The following HDLBP variants were observed in gnomAD, a reference collection of about 807,000 sequenced individuals.
HDLBP encodes vigilin.
HDLBP carries 30 observed loss-of-function variants against 137.3 expected under a neutral mutation model. The observed-to-expected ratio is 0.22, with a 90% confidence interval of 0.16 to 0.30. HDLBP has a LOEUF of 0.30. HDLBP is among the 10% of genes least tolerant of loss of function. The pLI is 1.00. For missense variants in HDLBP, 1,119 were observed against 1,667.3 expected, an observed-to-expected ratio of 0.67 and a Z score of 5.73; for synonymous variants, 606 against 596.0, an observed-to-expected ratio of 1.02 and a Z score of -0.24.
Position 241,240,581 on chromosome 2 carries a change from C to T in HDLBP, c.2170-459G>A, listed in dbSNP as rs1455993815. Among the ~76,000 whole-genome samples the T allele has an allele frequency of 2.0e-5, 3 of 152,204 alleles. No individual in the cohort carries two copies. The highest frequency in any genetic ancestry group is 7.2e-5 in the African/African-American group (3 of 41,448). On this transcript the variant is annotated intron_variant, in intron 17 of 27. Transcript: ENST00000310931. The surrounding 1 kb of genome is among the most constrained non-coding windows in gnomAD (Gnocchi z 5.5). ...TCTACCTGCTTCCAGACCAAGCACA[C>T]ACAAATCTGGGCCAGGCTCCCTTTC...
At chr2:241,309,606 G>A (rs977873753) in intron 1 of HDLBP, among the ~76,000 whole-genome samples, 1 of 152,152 alleles carries the variant, frequency 6.6e-6, no homozygotes, top group South Asian at 2.1e-4. Flanking sequence ...TGGCTGATAG[G>A]TTTAAAAGGC....
intron 16 of HDLBP, chr2:241,243,655 G>A (rs903461070): frequency 6.6e-6 from 1 of 152,594 alleles, no homozygotes. Flanking sequence ...GTCGGAGCCT[G>A]GTCCAGAACC....
At chr2:241,307,976 T>C (rs944933706) in intron 1 of HDLBP, among the ~76,000 whole-genome samples, 2 of 152,160 alleles carry the variant, frequency 1.3e-5, no homozygotes, top group Non-Finnish European at 2.9e-5. Flanking sequence ...AATGGAATTA[T>C]ATGATGACAG....
chr2:241,242,854 G>A (rs1381154509), intron 16 of HDLBP, 176 bp from the exon 17 acceptor site: 8 of 628,662 alleles, frequency 1.3e-5, no homozygotes, highest in Admixed American at 4.9e-5. Flanking sequence ...CACGGGGGAG[G>A]AGAGTGCACG....
At chr2:241,304,942 T>C (rs774876864) in intron 1 of HDLBP, among the ~76,000 whole-genome samples, 38 of 152,352 alleles carry the variant, frequency 2.5e-4, no homozygotes, top group Non-Finnish European at 5.3e-4. Flanking sequence ...CTATAAAAAG[T>C]TGATATTAAT....
At chr2:241,262,483 G>C (rs988076115) in intron 5 of HDLBP, among the ~76,000 whole-genome samples, 1 of 152,118 alleles carries the variant, frequency 6.6e-6, no homozygotes, top group Non-Finnish European at 1.5e-5. Flanking sequence ...TTACTTTCAA[G>C]TTCATTCACT....
chr2:241,230,030 C>T lies in HDLBP; in HGVS notation c.3592-69G>A, dbSNP rs1420731486. 1 of 1,579,250 alleles carries T rather than the reference C, an allele frequency of 6.3e-7. No homozygotes were observed. The highest frequency in any genetic ancestry group is 8.6e-7 in the Non-Finnish European group (1 of 1,160,028). ...CCCCAGCATCCCGCCCGCCTGCTCA[C>T]CCCTGCACCTCGCCTGCCTCTGGAA... On this transcript the variant is annotated intron_variant, in intron 26 of 27. Coordinates refer to ENST00000310931, the MANE Select transcript of HDLBP (RefSeq NM_005336.6). This position sits in a 1 kb window ranked among gnomAD's most constrained non-coding sequence, Gnocchi z 5.0.
intron 1 of HDLBP, chr2:241,279,983 TAGG>T: frequency 1.0e-6 from 1 of 985,346 alleles, no homozygotes; most frequent in Non-Finnish European, 1.2e-6. Context: ...CTGAAGGGGT[TAGG>T]AGGAGCAGCG....
rs1170624294 is a variant in HDLBP, at chr2:241,248,017, T to C, written c.1717A>G (p.Met573Val). 6.2e-7 allele frequency: 1 copy of C among 1,612,794 alleles called. No homozygotes were observed. The highest frequency in any genetic ancestry group is 1.7e-5 in the Admixed American group (1 of 60,020). Residue 573 changes from methionine (M) to valine (V), a missense_variant, in exon 14 of 28, where the codon ATG becomes GTG. Coordinates refer to ENST00000310931, the MANE Select transcript of HDLBP (RefSeq NM_005336.6). ...AACACCCCTACCAGATCTGCCACCA[T>C]CTTCTGCATGTATTTTGTGCATTTT... Reference protein sequence around the residue: ...VEKCTKYMQKMVADLVENSYS... With the variant: ...VEKCTKYMQKVVADLVENSYS...
intron 3 of HDLBP, 136 bp downstream of exon 3, chr2:241,266,658 C>T (rs2073697740): frequency 1.5e-6 from 1 of 666,786 alleles, no homozygotes; most frequent in Admixed American, 2.5e-5. Flanking sequence ...AAACAGTGCA[C>T]AAGATGTTGG....
intron 1 of HDLBP, among the ~76,000 whole-genome samples, chr2:241,295,147 C>G (rs2075131541): frequency 6.6e-6 from 1 of 152,072 alleles, no homozygotes; most frequent in South Asian, 2.1e-4. Flanking sequence ...GACCGACGAC[C>G]ATTTCAAAAA....
In HDLBP at chr2:241,249,002, A is replaced by G. The variant is rs535584361; in HGVS notation, c.1513-654T>C. Among the ~76,000 whole-genome samples the G allele has an allele frequency of 6.6e-5, 10 of 152,272 alleles. No individual in the cohort carries two copies. In the South Asian group the frequency reaches 2.1e-3, roughly 32 times the overall value. On this transcript the variant is annotated intron_variant, in intron 12 of 27. Coordinates refer to ENST00000310931, the MANE Select transcript of HDLBP (RefSeq NM_005336.6). ...CTGACAGAGAAGTAAGGGCTCAGCA[A>G]TCAGGAAGGGCATAAAGCAGCCAGG...
intron 1 of HDLBP, among the ~76,000 whole-genome samples, chr2:241,281,270 C>G (rs1237146127): frequency 6.6e-6 from 1 of 152,174 alleles, no homozygotes. Context: ...GGGAGAATCG[C>G]TTGAACCCGG....
At chr2:241,236,832 G>T (rs780169475) in intron 20 of HDLBP, 63 bp from the exon 21 acceptor site, 2 of 1,552,424 alleles carry the variant, frequency 1.3e-6, no homozygotes, top group Non-Finnish European at 1.8e-6. Flanking sequence ...ACCTTGTTCA[G>T]AATGCATATG....
rs138851495 is a variant in HDLBP, at chr2:241,250,075, C to A, written c.1373-95G>T. ...AGGACAGCGCTAAAGCGCTAAATAA[C>A]CTTATCTGTGATTCCCATCACCAAA... On this transcript the variant is annotated intron_variant, in intron 11 of 27. Coordinates refer to ENST00000310931, the MANE Select transcript of HDLBP (RefSeq NM_005336.6). The A allele has an allele frequency of 4.3e-3, 5,398 of 1,246,332 alleles. 14 individuals carry two copies. The highest frequency in any genetic ancestry group is 4.7e-3 in the Non-Finnish European group (4,262 of 909,204). 77.2% of individuals were successfully genotyped at this position (1,246,332 alleles called of 1,614,324 possible). A position where few individuals can be genotyped will look rare whatever the true frequency, so the allele number is the denominator to read the frequency against.
Position 241,239,536 on chromosome 2 carries a change from C to A in HDLBP, c.2610+66G>T. The A allele has an allele frequency of 1.5e-6, 2 of 1,336,488 alleles. No homozygotes were observed. Among genetic ancestry groups the A allele is most frequent in the South Asian group, 1.2e-5 (1 of 81,594 alleles). 82.8% of individuals were successfully genotyped at this position (1,336,488 alleles called of 1,614,324 possible). A position where few individuals can be genotyped will look rare whatever the true frequency, so the allele number is the denominator to read the frequency against. Reference sequence around the variant, plus strand: ...CTCCCTACAGGGTGGAGCGAACACTCATACACGGCTTCGGTGAGTGGCCAC... The same window carrying A: ...CTCCCTACAGGGTGGAGCGAACACTAATACACGGCTTCGGTGAGTGGCCAC... On this transcript the variant is annotated intron_variant, in intron 19 of 27. Transcript: ENST00000310931. This position sits in a 1 kb window ranked among gnomAD's most constrained non-coding sequence, Gnocchi z 4.6.
At chr2:241,282,343 CAA>C (rs924666013) in intron 1 of HDLBP, among the ~76,000 whole-genome samples, 2 of 151,852 alleles carry the variant, frequency 1.3e-5, no homozygotes, top group Non-Finnish European at 2.9e-5. Flanking sequence ...TCTGAAGACT[CAA>C]AAAAAAGTGT....
chr2:241,252,900 C>A (rs1574925402), intron 11 of HDLBP, 57 bp downstream of exon 11: 6 of 1,183,506 alleles, frequency 5.1e-6, no homozygotes, highest in East Asian at 4.7e-5. Flanking sequence ...ACAGCTGACA[C>A]CCCCCACAAG....
Position 241,235,135 on chromosome 2 carries a change from C to T in HDLBP, c.3130G>A (p.Glu1044Lys), listed in dbSNP as rs756054968. The T allele has an allele frequency of 4.3e-6, 7 of 1,613,486 alleles. No homozygotes were observed. The highest frequency in any genetic ancestry group is 1.1e-5 in the South Asian group (1 of 91,060). The change falls in exon 23 of 28, where the codon GAG (glutamate) becomes AAG (lysine). Residue 1044 changes from glutamate to lysine, a missense_variant. Coordinates refer to ENST00000310931, the MANE Select transcript of HDLBP (RefSeq NM_005336.6). The part of the protein sequence containing the change: ...LLERVKELQA[E>K]QEDRALRSFK... ...CTCCTGCTCACCCGGTCCTCCTGCT[C>T]GGCCTGTAGCTCCTTCACACGCTCC...
Sources: gnomAD v4.1 joint callset for allele counts (sites outside exome capture counted in the v4.1 genomes callset) on GRCh38, gnomAD v4.1.1 for gene constraint, Gnocchi (gnomAD v3.1) non-coding constraint, MANE v1.5 for transcripts, NCBI Gene and HGNC (gene_info 2026-07-23, HGNC 2026-07-21) for gene names.